CMSS1: variants seen among roughly 807,000 people sequenced by gnomAD.
CMSS1 encodes protein CMSS1.
In CMSS1, 33 loss-of-function variants were observed where a neutral mutation model predicts 43.5. That is an observed-to-expected ratio of 0.76 (90% CI 0.57 to 1.01). The LOEUF is 1.01. Ranked by LOEUF, CMSS1 falls within the 50% of genes least tolerant of loss-of-function variation. The pLI is 0.00. For synonymous variants in CMSS1, 115 were observed against 117.2 expected, an observed-to-expected ratio of 0.98 and a Z score of 0.12; for missense variants, 313 against 326.4, an observed-to-expected ratio of 0.96 and a Z score of 0.32.
At chr3:99,854,619 A>T (rs906362407) in intron 1 of CMSS1, among the ~76,000 whole-genome samples, 1 of 152,168 alleles carries the variant, frequency 6.6e-6, no homozygotes, top group Non-Finnish European at 1.5e-5. Flanking sequence ...TGTGCACTAC[A>T]AGATGTTTAG....
At chr3:99,922,049 A>C (rs992307641) in intron 1 of CMSS1, among the ~76,000 whole-genome samples, 3 of 152,206 alleles carry the variant, frequency 2.0e-5, no homozygotes, top group African/African-American at 7.2e-5. Flanking sequence ...ATAGCCCTTC[A>C]CATTCCCACC....
intron 2 of CMSS1, among the ~76,000 whole-genome samples, chr3:100,151,773 T>C (rs1310043456): frequency 2.0e-5 from 3 of 152,142 alleles, no homozygotes; most frequent in Admixed American, 1.3e-4. Context: ...CTTATATCCC[T>C]TCAATGTGCA....
At chr3:99,863,480 T>C (rs2107561650) in intron 1 of CMSS1, among the ~76,000 whole-genome samples, 1 of 152,306 alleles carries the variant, frequency 6.6e-6, no homozygotes, top group South Asian at 2.1e-4. Flanking sequence ...TAGTCAAAAA[T>C]GTCAAGTAGA....
At chr3:100,017,175 G>A (rs944530410) in intron 1 of CMSS1, among the ~76,000 whole-genome samples, 6 of 152,178 alleles carry the variant, frequency 3.9e-5, no homozygotes, top group African/African-American at 1.4e-4. Flanking sequence ...ATCTGATCAA[G>A]TATATGTCTG....
At chr3:100,114,970 A>G in intron 1 of CMSS1, 1 of 1,533,892 alleles carries the variant, frequency 6.5e-7, no homozygotes, top group Non-Finnish European at 8.7e-7. Context: ...TGCTGAGGAA[A>G]CTCTAGAGCA....
intron 1 of CMSS1, among the ~76,000 whole-genome samples, chr3:99,983,298 C>T (rs1044099364): frequency 2.7e-5 from 4 of 149,476 alleles, no homozygotes; most frequent in Admixed American, 6.7e-5. Context: ...CTTTGGGAGG[C>T]CAAGGCAGGC....
At chr3:100,087,079 A>G (rs761832196) in intron 1 of CMSS1, among the ~76,000 whole-genome samples, 8 of 152,236 alleles carry the variant, frequency 5.3e-5, no homozygotes, top group Non-Finnish European at 8.8e-5. Context: ...CAGCTGTACC[A>G]TAGTTTGCTA....
intron 1 of CMSS1, among the ~76,000 whole-genome samples, chr3:99,982,253 A>G (rs746601514): frequency 1.3e-4 from 20 of 152,128 alleles, no homozygotes; most frequent in Admixed American, 6.5e-4. Context: ...TATGCCTGTC[A>G]TGCTTATACA....
intron 1 of CMSS1, among the ~76,000 whole-genome samples, chr3:99,887,947 C>T (rs984162087): frequency 2.0e-5 from 3 of 152,154 alleles, no homozygotes; most frequent in Admixed American, 6.5e-5. Flanking sequence ...GCCATGTTGC[C>T]CAGGCTCATC....
intron 1 of CMSS1, among the ~76,000 whole-genome samples, chr3:100,106,243 G>C (rs2066393576): frequency 6.6e-6 from 1 of 152,116 alleles, no homozygotes; most frequent in Non-Finnish European, 1.5e-5. Context: ...AGAGGTGCAA[G>C]CTTCCAGCTG....
At chr3:99,847,685 T>G (rs1365500839) in intron 1 of CMSS1, among the ~76,000 whole-genome samples, 1 of 152,200 alleles carries the variant, frequency 6.6e-6, no homozygotes, top group Non-Finnish European at 1.5e-5. Context: ...ATCCCAAGCA[T>G]GAAGTTATGT....
chr3:99,847,277 T>C (rs1943407004), intron 1 of CMSS1, among the ~76,000 whole-genome samples: 1 of 150,318 alleles, frequency 6.7e-6, no homozygotes, highest in Admixed American at 6.6e-5. Flanking sequence ...ACAGGGTAGG[T>C]AGCACCTACA....
Position 100,180,563 on chromosome 3 carries a change from G to A in CMSS1, c.*2175G>A, listed in dbSNP as rs2067178188. The A allele has an allele frequency of 6.6e-6, 1 of 152,282 alleles. No homozygotes were observed. Among genetic ancestry groups the A allele is most frequent in the Non-Finnish European group, 1.5e-5 (1 of 68,084 alleles). The allele number at this position is 152,282 out of a possible 1,614,324, so 9.4% of individuals were successfully genotyped here. On this transcript the variant is annotated 3_prime_UTR_variant, in exon 10 of 10. Transcript: ENST00000421999. ...ACCAGTCTCTGCTAAAGCATAGCAA[G>A]AGTGACCTTTGCTCCAGTTCCTGAT...
chr3:100,016,931 A>C (rs1052572801), intron 1 of CMSS1, among the ~76,000 whole-genome samples: 1 of 152,242 alleles, frequency 6.6e-6, no homozygotes, highest in African/African-American at 2.4e-5. Flanking sequence ...ATCTAATTAT[A>C]GTTCACAGCT....
chr3:99,924,276 C>T, intron 1 of CMSS1: 1 of 1,614,094 alleles, frequency 6.2e-7, no homozygotes, highest in Non-Finnish European at 8.5e-7. Flanking sequence ...TCACTCTTCT[C>T]CATGTATTCT....
At chr3:100,118,026 C>A (rs1220974137) in intron 1 of CMSS1, among the ~76,000 whole-genome samples, 1 of 150,430 alleles carries the variant, frequency 6.6e-6, no homozygotes, top group East Asian at 1.9e-4. Flanking sequence ...TATAAGGTAC[C>A]CAGAATTGTC....
At chr3:99,943,584 G>A (rs1484536798) in intron 1 of CMSS1, among the ~76,000 whole-genome samples, 1 of 151,948 alleles carries the variant, frequency 6.6e-6, no homozygotes, top group Non-Finnish European at 1.5e-5. Flanking sequence ...TGCGCCTGTA[G>A]TCCCAGCTAC....
At chr3:99,834,210 A>C (rs1319716788) in intron 1 of CMSS1, among the ~76,000 whole-genome samples, 1 of 152,218 alleles carries the variant, frequency 6.6e-6, no homozygotes, top group Non-Finnish European at 1.5e-5. Flanking sequence ...CGCTTTATAC[A>C]GGAAAGGGTC....
At chr3:99,919,074 AGCTT>A (rs1707044418) in intron 1 of CMSS1, among the ~76,000 whole-genome samples, 1 of 152,140 alleles carries the variant, frequency 6.6e-6, no homozygotes, top group Admixed American at 6.5e-5. Flanking sequence ...ATTTTTTTAA[AGCTT>A]TATACCCACT....
Sources: allele counts gnomAD v4.1 joint callset (sites outside exome capture counted in the v4.1 genomes callset), GRCh38; gene constraint gnomAD v4.1.1; transcripts MANE v1.5; gene names NCBI Gene and HGNC (gene_info 2026-07-23, HGNC 2026-07-21).